CATSPERE: variants seen among roughly 807,000 people sequenced by gnomAD.
The protein encoded by CATSPERE is catsper channel auxiliary subunit epsilon.
Under a neutral mutation model 114.1 loss-of-function variants are expected in CATSPERE, and 93 were observed. The ratio of observed to expected loss-of-function variants is 0.81; its 90% CI spans 0.69 to 0.97. The LOEUF is 0.97. CATSPERE is among the 50% of genes least tolerant of loss of function. The pLI is 0.00. For synonymous variants in CATSPERE, 341 were observed against 384.1 expected (o/e 0.89, Z 1.31); for missense variants, 1,058 against 1,131.6 (o/e 0.93, Z 0.93).
chr1:244,616,752 A>G (rs1018910507), intron 19 of CATSPERE, among the ~76,000 whole-genome samples: 1 of 152,246 alleles, frequency 6.6e-6, no homozygotes, highest in Non-Finnish European at 1.5e-5. Context: ...CAAGTTTCCA[A>G]CACATGAACT....
At position 244,518,647 on chromosome 1, in the gene CATSPERE, A is replaced by C. The variant is rs767992327; in HGVS notation, c.485A>C (p.His162Pro). 7 of 1,601,416 alleles carry C rather than the reference A, an allele frequency of 4.4e-6. No homozygotes were observed. The highest frequency in any genetic ancestry group is 1.7e-4 in the Middle Eastern group (1 of 5,962). ...ACATTGGGACAGAAGCCTGTCATACATACAGTTCTGAAGAGAAAAGTTTAT... is the reference window on the plus strand; with the variant it reads ...ACATTGGGACAGAAGCCTGTCATACCTACAGTTCTGAAGAGAAAAGTTTAT... The part of the protein sequence containing the change: ...MATLGQKPVI[H>P]TVLKRKVYSS... Residue 162 changes from histidine (H) to proline (P), a missense_variant, in exon 8 of 22, where the codon CAT (histidine) becomes CCT (proline). Coordinates refer to ENST00000366534, the MANE Select transcript of CATSPERE (RefSeq NM_001130957.2).
At position 244,621,165 on chromosome 1, in the gene CATSPERE, T is replaced by TA. The variant is rs1558610127; in HGVS notation, c.2648+3479_2648+3480insA. On this transcript the variant is annotated intron_variant, in intron 20 of 21. Coordinates refer to ENST00000366534, the MANE Select transcript of CATSPERE (RefSeq NM_001130957.2). ...ATATATATATTATAAAATATATATATTATATATAGATATATTTATATAGAT... is the reference window on the plus strand; with the variant it reads ...ATATATATATTATAAAATATATATATATATATATAGATATATTTATATAGAT... Among the ~76,000 whole-genome samples, 5 of 112,000 alleles carry TA rather than the reference T, an allele frequency of 4.5e-5. 1 individual carries two copies. Among genetic ancestry groups the TA allele is most frequent in the African/African-American group, 1.9e-4 (5 of 26,470 alleles). 73.5% of individuals were successfully genotyped at this position (112,000 alleles called of 152,430 possible).
chr1:244,607,444 G>T lies in CATSPERE; in HGVS notation c.2403+1650G>T, dbSNP rs1670150411. Among the ~76,000 whole-genome samples the T allele has an allele frequency of 6.6e-6, 1 of 152,156 alleles. No individual in the cohort carries two copies. The highest frequency in any genetic ancestry group is 1.5e-5 in the Non-Finnish European group (1 of 68,032). On this transcript the variant is annotated intron_variant, in intron 18 of 21. Coordinates refer to ENST00000366534, the MANE Select transcript of CATSPERE (RefSeq NM_001130957.2). This position sits in a 1 kb window ranked among gnomAD's most constrained non-coding sequence, Gnocchi z 4.4. ...CTCCTGCCCTGAAAACAATCACCAT[G>T]GATTCCTGAATTCTGCCATCCATCC... is the stretch of plus-strand genomic sequence containing the variant.
intron 9 of CATSPERE, among the ~76,000 whole-genome samples, chr1:244,557,548 T>TGAATTCATTC (rs1488199479): frequency 2.3e-5 from 1 of 42,666 alleles, no homozygotes; most frequent in South Asian, 6.9e-4. Flanking sequence ...TATATATATA[T>TGAATTCATTC]ATATATATAT....
At chr1:244,539,254 T>C (rs1052008494) in intron 8 of CATSPERE, among the ~76,000 whole-genome samples, 8 of 149,920 alleles carry the variant, frequency 5.3e-5, no homozygotes, top group Admixed American at 2.0e-4. Context: ...TCTTTGGTTC[T>C]GTTTATATGC....
At chr1:244,604,593 G>A (rs1669727363) in intron 17 of CATSPERE, among the ~76,000 whole-genome samples, 1 of 152,166 alleles carries the variant, frequency 6.6e-6, no homozygotes, top group Admixed American at 6.5e-5. Context: ...AAGGTGGGGC[G>A]ACAGTCCCAG....
intron 2 of CATSPERE, among the ~76,000 whole-genome samples, chr1:244,465,379 G>GT (rs1476818695): frequency 6.6e-6 from 1 of 152,112 alleles, no homozygotes; most frequent in East Asian, 1.9e-4. Context: ...GAACTGAAAT[G>GT]TTTTTATAAT....
intron 8 of CATSPERE, 52 bp from the exon 9 acceptor site, chr1:244,552,270 A>T (rs1660781751): frequency 1.3e-6 from 2 of 1,540,040 alleles, no homozygotes; most frequent in Non-Finnish European, 1.7e-6. Flanking sequence ...ACTGTACAAG[A>T]TGGATCAGAT....
intron 17 of CATSPERE, among the ~76,000 whole-genome samples, chr1:244,604,026 C>A (rs546466075): frequency 6.6e-6 from 1 of 152,346 alleles, no homozygotes; most frequent in African/African-American, 2.4e-5. Context: ...ATTCAATAGT[C>A]TGATGACTTT....
At chr1:244,616,224 C>G (rs994671894) in intron 19 of CATSPERE, among the ~76,000 whole-genome samples, 3 of 152,110 alleles carry the variant, frequency 2.0e-5, no homozygotes, top group African/African-American at 7.2e-5. Flanking sequence ...AATAAGCTTC[C>G]CTCTAGAGCT....
intron 9 of CATSPERE, among the ~76,000 whole-genome samples, chr1:244,558,755 C>G (rs142240319): frequency 8.5e-4 from 130 of 152,258 alleles, no homozygotes; most frequent in African/African-American, 3.0e-3. Flanking sequence ...CCTGCCCACT[C>G]TGCACTCCCC....
chr1:244,519,686 C>T (rs538902684), intron 8 of CATSPERE, among the ~76,000 whole-genome samples: 4 of 152,306 alleles, frequency 2.6e-5, no homozygotes, highest in Non-Finnish European at 4.4e-5. Flanking sequence ...CCAAAATGGG[C>T]TCTGGCCAAC....
At chr1:244,623,282 T>G (rs1180562299) in intron 20 of CATSPERE, among the ~76,000 whole-genome samples, 2 of 152,150 alleles carry the variant, frequency 1.3e-5, no homozygotes, top group Non-Finnish European at 2.9e-5. Context: ...TTTGCCATGT[T>G]GGCCAGGCTG....
intron 19 of CATSPERE, among the ~76,000 whole-genome samples, chr1:244,616,779 A>C (rs952196698): frequency 6.6e-6 from 1 of 152,226 alleles, no homozygotes; most frequent in Non-Finnish European, 1.5e-5. Context: ...GATGCATTCA[A>C]ACCATAGTAA....
intron 9 of CATSPERE, among the ~76,000 whole-genome samples, chr1:244,553,190 G>T (rs1187733092): frequency 2.0e-5 from 3 of 152,056 alleles, no homozygotes; most frequent in Non-Finnish European, 2.9e-5. Context: ...GGTCTTCGGG[G>T]TATCCGTCTC....
intron 2 of CATSPERE, among the ~76,000 whole-genome samples, chr1:244,464,984 G>T (rs1165279881): frequency 6.9e-6 from 1 of 145,176 alleles, no homozygotes; most frequent in Admixed American, 6.8e-5. Flanking sequence ...GCTGAATTTT[G>T]ATGAGCCAAA....
chr1:244,577,418 T>G (rs1433217468), intron 11 of CATSPERE, among the ~76,000 whole-genome samples: 1 of 152,232 alleles, frequency 6.6e-6, no homozygotes. Flanking sequence ...TATAAGAAAC[T>G]GTTTGAAATC....
At chr1:244,562,370 T>C (rs1307844049) in intron 10 of CATSPERE, among the ~76,000 whole-genome samples, 1 of 152,172 alleles carries the variant, frequency 6.6e-6, no homozygotes, top group Non-Finnish European at 1.5e-5. Flanking sequence ...CTTCAGTTCT[T>C]TTTCTGTTAC....
chr1:244,452,989 A>G (rs932214975), upstream of CATSPERE, among the ~76,000 whole-genome samples: 2 of 152,226 alleles, frequency 1.3e-5, no homozygotes, highest in Non-Finnish European at 2.9e-5. Context: ...TACATACTGT[A>G]TGTTCACTAA....
Sources: gnomAD v4.1 joint callset for allele counts (sites outside exome capture counted in the v4.1 genomes callset) on GRCh38, gnomAD v4.1.1 for gene constraint, Gnocchi (gnomAD v3.1) non-coding constraint, MANE v1.5 for transcripts, NCBI Gene and HGNC (gene_info 2026-07-23, HGNC 2026-07-21) for gene names.